The following ADAMTS13 variants were observed in gnomAD, a reference collection of about 807,000 sequenced individuals.
The protein encoded by ADAMTS13 is ADAM metallopeptidase with thrombospondin type 1 motif 13.
In ADAMTS13, 110 loss-of-function variants were observed where a neutral mutation model predicts 155.1. The ratio of observed to expected loss-of-function variants is 0.71; its 90% confidence interval spans 0.61 to 0.83. ADAMTS13 has a LOEUF of 0.83. ADAMTS13 is among the 40% of genes least tolerant of loss of function. The pLI, the probability that ADAMTS13 is intolerant of heterozygous loss-of-function variation, is 0.00. For missense variants in ADAMTS13, 1,707 were observed against 1,891.7 expected (o/e 0.90, Z 1.81); for synonymous variants, 758 against 756.4 (o/e 1.00, Z -0.03).
Position 133,425,516 on chromosome 9 carries a change from T to C in ADAMTS13, c.331-13T>C. Reference sequence around the variant, plus strand: ...CACCCGACGGGTTACCTCTCTCATCTGCCCTTGCACAGGGGGCAGAACTGC... The same window carrying C: ...CACCCGACGGGTTACCTCTCTCATCCGCCCTTGCACAGGGGGCAGAACTGC... On this transcript the variant is annotated splice_polypyrimidine_tract_variant and intron_variant, in intron 3 of 28. Transcript: ENST00000355699. The surrounding 1 kb of genome is among the most constrained non-coding windows in gnomAD (Gnocchi z 4.6). 2.5e-6 allele frequency: 4 copies of C among 1,611,370 alleles called. No individual in the cohort carries two copies. In the African/African-American group the frequency reaches 4.0e-5, roughly 16 times the overall value.
upstream of ADAMTS13, among the ~76,000 whole-genome samples, chr9:133,421,356 C>T (rs1839947708): frequency 6.6e-6 from 1 of 152,208 alleles, no homozygotes; most frequent in Non-Finnish European, 1.5e-5. Flanking sequence ...TAAGCATGCC[C>T]CCTTCTCCAA....
In ADAMTS13 at chr9:133,455,447, C is replaced by T. The variant is rs1167466918; in HGVS notation, c.3400+12C>T. 3 of 1,612,424 alleles carry T rather than the reference C, an allele frequency of 1.9e-6. No homozygotes were observed. The highest frequency in any genetic ancestry group is 1.3e-5 in the African/African-American group (1 of 74,932). ...CTGTGTGGGACAGGGTACGCCCAGC[C>T]TGGTGCCCCACGAAGAAGCCGCTGC... On this transcript the variant is annotated intron_variant, in intron 25 of 28. Transcript: ENST00000355699.
At chr9:133,455,713 T>C (rs1428672532) in intron 25 of ADAMTS13, 1 of 1,419,144 alleles carries the variant, frequency 7.0e-7, no homozygotes, top group African/African-American at 1.4e-5. Flanking sequence ...GTTGTGTGCC[T>C]GGGAGGCCGG....
At chr9:133,420,977 C>T (rs763279482), upstream of ADAMTS13, among the ~76,000 whole-genome samples, 20 of 152,214 alleles carry the variant, frequency 1.3e-4, no homozygotes, top group Non-Finnish European at 2.5e-4. Context: ...TCAAGAGACA[C>T]CAGAGTGTCT....
intron 22 of ADAMTS13, among the ~76,000 whole-genome samples, chr9:133,449,205 G>A (rs1274753484): frequency 6.6e-6 from 1 of 152,210 alleles, no homozygotes; most frequent in Admixed American, 6.5e-5. Context: ...TGCTGTGGGT[G>A]CACATGGTTG....
At chr9:133,419,791 T>C (rs1460559227), upstream of ADAMTS13, among the ~76,000 whole-genome samples, 15 of 152,020 alleles carry the variant, frequency 9.9e-5, no homozygotes, top group Non-Finnish European at 2.1e-4. Flanking sequence ...CAGGCTGGAG[T>C]GCAGTGGCGT....
chr9:133,424,419 G>T lies in ADAMTS13; in HGVS notation c.271G>T (p.Asp91Tyr), dbSNP rs1840143178. The stretch of plus-strand genomic sequence containing the variant: ...GGAGCTGCTGGTGGCCGTGGGCCCC[G>T]ATGTCTTCCAGGCTCACCAGGAGGA... The part of the protein sequence containing the change: ...HLELLVAVGP[D>Y]VFQAHQEDTE... The change falls in exon 3 of 29, where the codon GAT becomes TAT. Residue 91 changes from aspartate to tyrosine, a missense_variant. Asp to Tyr is a radical substitution (Grantham distance 160, BLOSUM62 -3). This residue lies in a region of ADAMTS13 where 733 missense variants were observed against 749.6 expected (regional missense o/e 0.98). Transcript: ENST00000355699. The surrounding 1 kb of genome is among the most constrained non-coding windows in gnomAD (Gnocchi z 4.3). 3.1e-6 allele frequency: 5 copies of T among 1,613,786 alleles called. No individual in the cohort carries two copies. The highest frequency in any genetic ancestry group is 2.7e-5 in the African/African-American group (2 of 75,008).
In ADAMTS13 at chr9:133,442,545, G is replaced by C. The variant is rs1330401586; in HGVS notation, c.2104+11G>C. The C allele has an allele frequency of 6.2e-7, 1 of 1,613,432 alleles. No homozygotes were observed. Among genetic ancestry groups the C allele is most frequent in the East Asian group, 2.2e-5 (1 of 44,898 alleles). On this transcript the variant is annotated intron_variant, in intron 17 of 28. Coordinates refer to ENST00000355699, the MANE Select transcript of ADAMTS13 (RefSeq NM_139027.6). ...TGAGCTGTGGGGCAGGTGAGACCTGGGGAAGGCTCATCCACAGCACGGCTT... is the reference window on the plus strand; with the variant it reads ...TGAGCTGTGGGGCAGGTGAGACCTGCGGAAGGCTCATCCACAGCACGGCTT...
At chr9:133,442,831 T>C in intron 18 of ADAMTS13, 88 bp downstream of exon 18, 2 of 1,500,714 alleles carry the variant, frequency 1.3e-6, no homozygotes, top group East Asian at 2.4e-5. Context: ...ATGGGGCCCA[T>C]GTGGCAGGGC....
In ADAMTS13 at chr9:133,439,372, T is replaced by A; in HGVS notation, c.1712T>A (p.Val571Asp). ...CTTCTTTTCTTCTTTCTAGAATATG[T>A]CACGTTTCTGACAGTTACCCCCAAC... is the stretch of plus-strand genomic sequence containing the variant. ...SFTAGRAREY[V>D]TFLTVTPNLT... Residue 571 changes from valine (V) to aspartate (D), a missense_variant, in exon 15 of 29, where the codon GTC becomes GAC. Physicochemically the swap from Val to Asp is radical, Grantham distance 152. Transcript: ENST00000355699. 1 of 1,611,250 alleles carries A rather than the reference T, an allele frequency of 6.2e-7. No individual in the cohort carries two copies. Among genetic ancestry groups the A allele is most frequent in the African/African-American group, 1.3e-5 (1 of 75,006 alleles).
intron 8 of ADAMTS13, 38 bp from the exon 9 acceptor site, chr9:133,432,550 G>A (rs782086113): frequency 8.0e-5 from 122 of 1,526,268 alleles, no homozygotes; most frequent in Non-Finnish European, 1.8e-5. Context: ...AGGCCCTGGT[G>A]GCCCCTGAGC....
intron 25 of ADAMTS13, chr9:133,455,649 G>A (rs1842697481): frequency 6.3e-7 from 1 of 1,590,484 alleles, no homozygotes; most frequent in Non-Finnish European, 8.5e-7. Context: ...TGCAGGAGGG[G>A]TGGGCAAAGG....
At position 133,440,561 on chromosome 9, in the gene ADAMTS13, T is replaced by G; in HGVS notation, c.1968+36T>G. On this transcript the variant is annotated intron_variant, in intron 16 of 28. Coordinates refer to ENST00000355699, the MANE Select transcript of ADAMTS13 (RefSeq NM_139027.6). The surrounding 1 kb of genome is among the most constrained non-coding windows in gnomAD (Gnocchi z 4.3). ...GAGCCTGGGGGAGGCCAGTGGGGGC[T>G]TCTTCTTGGGGGCTATGGCTGCTTG... 6.4e-7 allele frequency: 1 copy of G among 1,554,402 alleles called. No individual in the cohort carries two copies. The highest frequency in any genetic ancestry group is 1.8e-4 in the Middle Eastern group (1 of 5,712).
intron 1 of ADAMTS13, among the ~76,000 whole-genome samples, chr9:133,415,411 C>CT (rs11428403): frequency 0.069 from 9,959 of 143,464 alleles, 423 homozygotes; most frequent in Admixed American, 0.12. Context: ...ACAGAAATCG[C>CT]TTTTTTTTTT....
chr9:133,455,498 G>A, intron 25 of ADAMTS13, 63 bp downstream of exon 25: 1 of 1,612,190 alleles, frequency 6.2e-7, no homozygotes, highest in South Asian at 1.1e-5. Flanking sequence ...AGCCACCCCT[G>A]CTGGTGCCTC....
In ADAMTS13 at chr9:133,440,370, G is replaced by A. The variant is rs781872245; in HGVS notation, c.1813G>A (p.Val605Met). ...LAVRIGGRYVVAGKMSISPNT... is the reference protein window; with the variant it reads ...LAVRIGGRYVMAGKMSISPNT... ...GGTGAGGATCGGAGGGCGCTATGTC[G>A]TGGCTGGGAAGATGAGCATCTCCCC... The change falls in exon 16 of 29, where the codon GTG becomes ATG. Residue 605 changes from valine (V) to methionine (M), a missense_variant. Transcript: ENST00000355699. This position sits in a 1 kb window ranked among gnomAD's most constrained non-coding sequence, Gnocchi z 4.3. 6.2e-6 allele frequency: 10 copies of A among 1,613,902 alleles called. No homozygotes were observed. The highest frequency in any genetic ancestry group is 2.2e-5 in the South Asian group (2 of 91,090).
Position 133,445,800 on chromosome 9 carries a change from C to T in ADAMTS13, c.2712C>T (p.Cys904=). The T allele has an allele frequency of 6.3e-7, 1 of 1,588,394 alleles. No individual in the cohort carries two copies. Among genetic ancestry groups the T allele is most frequent in the Non-Finnish European group, 8.6e-7 (1 of 1,161,286 alleles). The change falls in exon 21 of 29, where the codon TGC becomes TGT. Residue 904 remains cysteine (C), a synonymous_variant. Coordinates refer to ENST00000355699, the MANE Select transcript of ADAMTS13 (RefSeq NM_139027.6). The surrounding 1 kb of genome is among the most constrained non-coding windows in gnomAD (Gnocchi z 5.0). The part of the protein sequence containing the change: ...AHVWTPAAGS[C]SVSCGRGLME... ...TGTGGACCCCTGCGGCAGGGTCGTG[C>T]TCCGTCTCCTGCGGGCGAGGTGAGG... is the stretch of plus-strand genomic sequence containing the variant.
intron 11 of ADAMTS13, 37 bp downstream of exon 11, chr9:133,433,741 T>G (rs1807822755): frequency 6.2e-7 from 1 of 1,608,024 alleles, no homozygotes; most frequent in South Asian, 1.1e-5. Flanking sequence ...GGGCAGCTGG[T>G]GGCACCGGGC....
chr9:133,437,686 G>T, intron 12 of ADAMTS13, 63 bp from the exon 13 acceptor site: 1 of 1,604,540 alleles, frequency 6.2e-7, no homozygotes, highest in East Asian at 2.2e-5. Flanking sequence ...AAGCTGGGTG[G>T]GGGCTGGGGG....
Sources: gnomAD v4.1 joint callset for allele counts (sites outside exome capture counted in the v4.1 genomes callset) on GRCh38, gnomAD v4.1.1 for gene constraint, gnomAD v4.1.1 regional missense constraint, Gnocchi (gnomAD v3.1) non-coding constraint, MANE v1.5 for transcripts, NCBI Gene and HGNC (gene_info 2026-07-23, HGNC 2026-07-21) for gene names.